The following STRN3 variants were observed in gnomAD, a reference collection of about 807,000 sequenced individuals.
STRN3 encodes the protein striatin 3, also known as striatin-3.
STRN3 carries 29 observed loss-of-function variants against 95.6 expected under a neutral mutation model. The observed-to-expected ratio is 0.30, with a 90% confidence interval of 0.23 to 0.41. The LOEUF (loss-of-function observed/expected upper bound fraction) is 0.41. Ranked by LOEUF, STRN3 falls within the 10% of genes least tolerant of loss-of-function variation. The probability of loss-of-function intolerance (pLI) is 1.00; values close to 1 mark genes in which losing one functional copy is unlikely to be tolerated. For missense variants in STRN3, 890 were observed against 972.1 expected (o/e 0.92, Z 1.12); for synonymous variants, 331 against 357.6 (o/e 0.93, Z 0.84).
intron 15 of STRN3, among the ~76,000 whole-genome samples, chr14:30,904,999 G>C (rs143085779): frequency 6.6e-6 from 1 of 150,636 alleles, no homozygotes; most frequent in Non-Finnish European, 1.5e-5. Flanking sequence ...AGATGAAGGG[G>C]AATCTATGGA....
At chr14:30,951,007 G>A (rs1007908612) in intron 3 of STRN3, 63 bp from the exon 4 acceptor site, 1 of 1,378,160 alleles carries the variant, frequency 7.3e-7, no homozygotes, top group Non-Finnish European at 1.0e-6. Flanking sequence ...TATTGCCAAA[G>A]TTTTCTTAGG....
chr14:30,914,330 G>T (rs1896681204), intron 9 of STRN3, among the ~76,000 whole-genome samples: 1 of 152,176 alleles, frequency 6.6e-6, no homozygotes, highest in East Asian at 1.9e-4. Context: ...AATCCACGTG[G>T]TCTTCAGAAT....
intron 4 of STRN3, 112 bp downstream of exon 4, chr14:30,950,751 T>C (rs1879597778): frequency 7.0e-6 from 7 of 997,820 alleles, no homozygotes; most frequent in African/African-American, 1.6e-5. Flanking sequence ...AAAGCAGCAA[T>C]ACAAAAAACA....
At chr14:30,926,610 CTT>C (rs1382912352) in intron 8 of STRN3, among the ~76,000 whole-genome samples, 5 of 151,684 alleles carry the variant, frequency 3.3e-5, no homozygotes, top group East Asian at 1.9e-4. Flanking sequence ...TTATCTGAAT[CTT>C]ATATTACTTC....
At chr14:30,933,851 A>G (rs1429809971) in intron 7 of STRN3, among the ~76,000 whole-genome samples, 3 of 152,230 alleles carry the variant, frequency 2.0e-5, no homozygotes, top group African/African-American at 7.2e-5. Flanking sequence ...TTATATCAAG[A>G]TAGTCAATAA....
intron 5 of STRN3, among the ~76,000 whole-genome samples, chr14:30,946,410 G>A (rs1879361795): frequency 6.6e-6 from 1 of 152,018 alleles, no homozygotes; most frequent in Non-Finnish European, 1.5e-5. Flanking sequence ...TGGGCATAGT[G>A]GCGCATGCCT....
At chr14:31,014,371 G>A (rs1185562389) in intron 1 of STRN3, among the ~76,000 whole-genome samples, 1 of 151,724 alleles carries the variant, frequency 6.6e-6, no homozygotes, top group Non-Finnish European at 1.5e-5. Context: ...CAGGCGCGTT[G>A]ACACCACACC....
chr14:30,898,815 CT>C (rs1430004250), intron 16 of STRN3, among the ~76,000 whole-genome samples: 3 of 152,204 alleles, frequency 2.0e-5, no homozygotes, highest in Admixed American at 1.3e-4. Flanking sequence ...CATGCCCATT[CT>C]CCCCTCCCTG....
intron 1 of STRN3, among the ~76,000 whole-genome samples, chr14:30,980,712 T>C (rs908403718): frequency 6.6e-6 from 1 of 152,204 alleles, no homozygotes; most frequent in African/African-American, 2.4e-5. Context: ...TATTTTGCGA[T>C]GTTTCTTAAA....
chr14:30,989,727 G>T (rs1262683969), intron 1 of STRN3, among the ~76,000 whole-genome samples: 1 of 152,032 alleles, frequency 6.6e-6, no homozygotes, highest in African/African-American at 2.4e-5. Flanking sequence ...CAAAGTGCTG[G>T]GATTACAGGC....
chr14:30,987,952 G>A (rs1354185500), intron 1 of STRN3, among the ~76,000 whole-genome samples: 2 of 152,096 alleles, frequency 1.3e-5, no homozygotes, highest in Admixed American at 1.3e-4. Flanking sequence ...TGGTCAGGCT[G>A]GTCTTGAACT....
chr14:30,911,295 C>CTT (rs11297035), intron 12 of STRN3, 133 bp from the exon 13 acceptor site: 17,485 of 447,478 alleles, frequency 0.039, 62 homozygotes, highest in Non-Finnish European at 0.041. Flanking sequence ...CTGACTGGTA[C>CTT]TTTTTTTTTT....
intron 1 of STRN3, among the ~76,000 whole-genome samples, chr14:31,016,544 T>A (rs536878214): frequency 1.2e-3 from 187 of 150,848 alleles, no homozygotes; most frequent in Non-Finnish European, 2.1e-3. Context: ...ATAATAAAAA[T>A]ATATATATAT....
chr14:30,949,889 G>A (rs1447568849), intron 4 of STRN3, among the ~76,000 whole-genome samples: 1 of 152,140 alleles, frequency 6.6e-6, no homozygotes, highest in Non-Finnish European at 1.5e-5. Context: ...GCAATGTTTG[G>A]ACAGGAAACT....
At chr14:30,928,793 G>A (rs1422131210) in intron 8 of STRN3, among the ~76,000 whole-genome samples, 2 of 152,158 alleles carry the variant, frequency 1.3e-5, no homozygotes, top group Non-Finnish European at 2.9e-5. Flanking sequence ...CCTATTCACT[G>A]TAGGTAAGGA....
At chr14:30,962,660 G>C (rs1464708115) in intron 1 of STRN3, among the ~76,000 whole-genome samples, 2 of 151,934 alleles carry the variant, frequency 1.3e-5, no homozygotes, top group African/African-American at 4.8e-5. Flanking sequence ...TCAGCCTCCC[G>C]AGCAGCTGGA....
At chr14:30,971,929 C>T (rs1880850614) in intron 1 of STRN3, among the ~76,000 whole-genome samples, 1 of 152,152 alleles carries the variant, frequency 6.6e-6, no homozygotes, top group South Asian at 2.1e-4. Context: ...CCTCCCTTAA[C>T]TATCCTCCAC....
intron 9 of STRN3, among the ~76,000 whole-genome samples, chr14:30,914,601 C>G (rs1247308368): frequency 2.0e-5 from 3 of 152,192 alleles, no homozygotes; most frequent in Non-Finnish European, 4.4e-5. Context: ...ATCCACCTGC[C>G]TCGGCCTCCC....
At chr14:30,899,594 A>G (rs1210544191) in intron 16 of STRN3, among the ~76,000 whole-genome samples, 2 of 152,148 alleles carry the variant, frequency 1.3e-5, no homozygotes, top group Admixed American at 1.3e-4. Context: ...TCTATAAGAA[A>G]CTTCTGTTCC....
Sources: allele counts gnomAD v4.1 joint callset (sites outside exome capture counted in the v4.1 genomes callset), GRCh38; gene constraint gnomAD v4.1.1; transcripts MANE v1.5; gene names NCBI Gene and HGNC (gene_info 2026-07-23, HGNC 2026-07-21).